TBL1X: variants seen among roughly 807,000 people sequenced by gnomAD.
TBL1X encodes F-box-like/WD repeat-containing protein TBL1X.
A neutral mutation model predicts 50.7 loss-of-function variants in TBL1X; 10 were observed. The ratio of observed to expected loss-of-function variants is 0.20; its 90% CI spans 0.12 to 0.33. TBL1X has a LOEUF of 0.33. Among genes scored for constraint, TBL1X ranks in the 10% least tolerant of loss-of-function variants. The pLI, the probability that TBL1X is intolerant of heterozygous loss-of-function variation, is 1.00. For synonymous variants in TBL1X, 190 were observed against 214.7 expected, an observed-to-expected ratio of 0.88 and a Z score of 1.01; for missense variants, 340 against 504.4, an observed-to-expected ratio of 0.67 and a Z score of 3.12.
intron 1 of TBL1X, among the ~76,000 whole-genome samples, chrX:9,472,985 G>A (rs1329245753): frequency 1.8e-5 from 2 of 111,412 alleles, no homozygotes; most frequent in African/African-American, 6.5e-5. Flanking sequence ...AGTTTCTGGT[G>A]CACTGTGGGT....
rs1555900202 is a variant in TBL1X at position 9,609,336 on chromosome X, G to GGGGGGTGT, written c.-130-30936_-130-30935insGGGGTGTG. Among the ~76,000 whole-genome samples the GGGGGGTGT allele has an allele frequency of 1.4e-4, 13 of 94,773 alleles. No individual in the cohort carries two copies. In the South Asian group the frequency reaches 4.6e-3, roughly 33 times the overall value. The allele number at this position is 94,773 out of a possible 115,157, so 82.3% of individuals were successfully genotyped here. ...CATTTTGGTGGTGTGTTTTCTTCCA[G>GGGGGGTGT]GTGTGTGTGTGTGTGTGTGTGTGTG... On this transcript the variant is annotated intron_variant, in intron 2 of 17. Transcript: ENST00000645353.
Position 9,711,658 on chromosome X carries a change from T to A in TBL1X, c.1487T>A (p.Val496Asp). Residue 496 changes from valine (V) to aspartate (D), a missense_variant, in exon 16 of 18, where the codon GTC becomes GAC. By Grantham distance (152) the Val-to-Asp change is radical. Coordinates refer to ENST00000645353, the MANE Select transcript of TBL1X (RefSeq NM_005647.4). ...CGACTGTGGGACATAGAACGAGGCG[T>A]CTGCACCCACACGCTCACGAAGCAT... Reference protein sequence around the residue: ...TVRLWDIERGVCTHTLTKHQE... With the variant: ...TVRLWDIERGDCTHTLTKHQE... 2 of 1,209,626 alleles carry A rather than the reference T, an allele frequency of 1.7e-6. No homozygotes were observed. Among genetic ancestry groups the A allele is most frequent in the Non-Finnish European group, 2.2e-6 (2 of 894,056 alleles).
At chrX:9,545,430 C>A (rs2082237315) in intron 2 of TBL1X, among the ~76,000 whole-genome samples, 1 of 108,846 alleles carries the variant, frequency 9.2e-6, no homozygotes, top group Non-Finnish European at 1.9e-5. Context: ...CATCTGTAGT[C>A]CTACTGCTTG....
intron 2 of TBL1X, among the ~76,000 whole-genome samples, chrX:9,639,438 G>A (rs1033338883): frequency 1.8e-5 from 2 of 111,633 alleles, no homozygotes; most frequent in Non-Finnish European, 3.8e-5. Context: ...ATACTCTCTA[G>A]GAGGCAGGAA....
chrX:9,708,611 G>C (rs1181570020), intron 13 of TBL1X, among the ~76,000 whole-genome samples: 2 of 109,089 alleles, frequency 1.8e-5, no homozygotes, highest in Non-Finnish European at 3.8e-5. Context: ...GCCTGGCATG[G>C]TGGCTCACGC....
chrX:9,556,342 A>G (rs2082299466), intron 2 of TBL1X, among the ~76,000 whole-genome samples: 1 of 111,125 alleles, frequency 9.0e-6, no homozygotes, highest in African/African-American at 3.3e-5. Context: ...CTAGATGCTT[A>G]AAACTACACA....
intron 5 of TBL1X, among the ~76,000 whole-genome samples, chrX:9,663,739 C>T (rs767485878): frequency 2.2e-5 from 2 of 92,435 alleles, no homozygotes; most frequent in South Asian, 5.3e-4. Flanking sequence ...CCAGCCTGGG[C>T]GACAGAGCGA....
chrX:9,709,282 G>A lies in TBL1X; in HGVS notation c.1271G>A (p.Gly424Glu), dbSNP rs2083229844. 1.7e-6 allele frequency: 2 copies of A among 1,211,867 alleles called. No homozygotes were observed. The highest frequency in any genetic ancestry group is 2.2e-6 in the Non-Finnish European group (2 of 895,541). ...AACGCCATCAAATGGGATCCGTCTG[G>A]AATGTTGCTGGCATCCTGCTCGGAT... ...EVNAIKWDPS[G>E]MLLASCSDDM... The change falls in exon 14 of 18, where the codon GGA (glycine) becomes GAA (glutamate). Residue 424 changes from glycine to glutamate, a missense_variant. Physicochemically the swap from Gly to Glu is moderately conservative, Grantham distance 98. Transcript: ENST00000645353.
intron 2 of TBL1X, among the ~76,000 whole-genome samples, chrX:9,536,226 T>C (rs1419399426): frequency 9.1e-6 from 1 of 109,332 alleles, no homozygotes; most frequent in East Asian, 2.9e-4. Flanking sequence ...CTTGGATAAT[T>C]CTTGTTTGCC....
intron 12 of TBL1X, among the ~76,000 whole-genome samples, chrX:9,704,570 A>G (rs1180616386): frequency 9.0e-6 from 1 of 111,509 alleles, no homozygotes; most frequent in East Asian, 2.8e-4. Context: ...CACGCTTGAG[A>G]CGTTTTTATC....
intron 1 of TBL1X, among the ~76,000 whole-genome samples, chrX:9,495,961 A>T (rs1432970641): frequency 1.8e-5 from 2 of 112,458 alleles, no homozygotes; most frequent in Non-Finnish European, 3.8e-5. Context: ...GCAGGTACTG[A>T]TTTTGGAGCT....
intron 2 of TBL1X, among the ~76,000 whole-genome samples, chrX:9,517,337 G>C (rs2082085450): frequency 9.0e-6 from 1 of 111,168 alleles, no homozygotes; most frequent in South Asian, 3.9e-4. Flanking sequence ...GCCGTGGTCA[G>C]ATCCCCAAAC....
At chrX:9,610,469 T>C (rs1201729947) in intron 2 of TBL1X, among the ~76,000 whole-genome samples, 2 of 112,613 alleles carry the variant, frequency 1.8e-5, no homozygotes, top group Non-Finnish European at 3.7e-5. Context: ...TCTGTTGTAT[T>C]TTTCACATGA....
chrX:9,609,757 G>A (rs2082604373), intron 2 of TBL1X, among the ~76,000 whole-genome samples: 1 of 111,499 alleles, frequency 9.0e-6, no homozygotes, highest in South Asian at 3.8e-4. Context: ...CACTTCATGT[G>A]AACATGGTCA....
rs1291383051 is a variant in TBL1X, at chrX:9,568,060, C to T, written c.-131+66211C>T. 2.7e-5 allele frequency among the ~76,000 whole-genome samples: 3 copies of T among 111,936 alleles called. No individual in the cohort carries two copies. The Admixed American group carries it at 2.8e-4, about 11-fold the overall frequency. Reference sequence around the variant, plus strand: ...ATTGGCCTGGGTGCTGTTGCGGATGCCCAGCGAGTTCTCTGTCTCCCTCCT... The same window carrying T: ...ATTGGCCTGGGTGCTGTTGCGGATGTCCAGCGAGTTCTCTGTCTCCCTCCT... On this transcript the variant is annotated intron_variant, in intron 2 of 17. Coordinates refer to ENST00000645353, the MANE Select transcript of TBL1X (RefSeq NM_005647.4).
chrX:9,472,273 A>G (rs996175441), intron 1 of TBL1X, among the ~76,000 whole-genome samples: 6 of 60,504 alleles, frequency 9.9e-5, no homozygotes, highest in Admixed American at 4.9e-4. Flanking sequence ...CAATAATAAC[A>G]AATACTTTAT....
Position 9,471,087 on chromosome X carries a change from G to A in TBL1X, c.-201+5640G>A, listed in dbSNP as rs181968797. 1.3e-4 allele frequency among the ~76,000 whole-genome samples: 15 copies of A among 112,524 alleles called. No homozygotes were observed. The East Asian group carries it at 3.0e-3, about 23-fold the overall frequency. On this transcript the variant is annotated intron_variant, in intron 1 of 17. Transcript: ENST00000645353. ...TAAGGACCTTTGCCGTTTTCCCAAT[G>A]GGTTAATCACGTAAATATAAAATAG...
chrX:9,673,126 C>G (rs1011635980), intron 5 of TBL1X, among the ~76,000 whole-genome samples: 1 of 112,528 alleles, frequency 8.9e-6, no homozygotes, highest in Non-Finnish European at 1.9e-5. Flanking sequence ...TAATGCCATC[C>G]CCTTGGGGGT....
At chrX:9,641,824 C>G (rs2082777135) in intron 3 of TBL1X, among the ~76,000 whole-genome samples, 1 of 111,997 alleles carries the variant, frequency 8.9e-6, no homozygotes, top group Non-Finnish European at 1.9e-5. Context: ...GTGGCTAGAC[C>G]ATGGATAGAA....
Sources: allele counts gnomAD v4.1 joint callset (sites outside exome capture counted in the v4.1 genomes callset), GRCh38; gene constraint gnomAD v4.1.1; transcripts MANE v1.5; gene names NCBI Gene and HGNC (gene_info 2026-07-23, HGNC 2026-07-21).